NEGR1: variants seen among roughly 807,000 people sequenced by gnomAD.
NEGR1 encodes the protein neuronal growth regulator 1.
A neutral mutation model predicts 40.9 loss-of-function variants in NEGR1; 10 were observed. That is an observed-to-expected ratio of 0.24 (90% CI 0.15 to 0.42). NEGR1 has a LOEUF of 0.42. NEGR1 is among the 10% of genes least tolerant of loss of function. NEGR1 has a pLI of 1.00. For missense variants in NEGR1, 352 were observed against 438.9 expected (o/e 0.80, Z 1.77); for synonymous variants, 185 against 166.8 (o/e 1.11, Z -0.84).
intron 6 of NEGR1, among the ~76,000 whole-genome samples, chr1:71,514,447 C>A (rs939088049): frequency 1.0e-5 from 1 of 96,234 alleles, no homozygotes; most frequent in Non-Finnish European, 2.0e-5. Context: ...CTGGGAGGCA[C>A]CCCCCAGCAG....
chr1:71,992,736 G>A (rs1194049208), intron 1 of NEGR1, among the ~76,000 whole-genome samples: 5 of 151,764 alleles, frequency 3.3e-5, no homozygotes, highest in Non-Finnish European at 7.4e-5. Context: ...CACAAAGATG[G>A]GTGGCTCAAA....
rs548844050 is a variant in NEGR1 at position 71,476,598 on chromosome 1, C to T, written c.941-69028G>A. Reference sequence around the variant, plus strand: ...AAGTCACAGGGTATCAGCTGGACCTCCTGAGGGTCTGAAAACAGATCAGCC... The same window carrying T: ...AAGTCACAGGGTATCAGCTGGACCTTCTGAGGGTCTGAAAACAGATCAGCC... On this transcript the variant is annotated intron_variant, in intron 6 of 6. Coordinates refer to ENST00000357731, the MANE Select transcript of NEGR1 (RefSeq NM_173808.3). Among the ~76,000 whole-genome samples, 3 of 152,168 alleles carry T rather than the reference C, an allele frequency of 2.0e-5. No individual in the cohort carries two copies. In the South Asian group the frequency reaches 6.2e-4, roughly 32 times the overall value.
chr1:71,886,491 T>C (rs946462964), intron 2 of NEGR1, among the ~76,000 whole-genome samples: 1 of 149,746 alleles, frequency 6.7e-6, no homozygotes. Flanking sequence ...AAGGGAGAGA[T>C]GGAAGGAGGA....
At chr1:71,555,667 G>C (rs911715668) in intron 6 of NEGR1, among the ~76,000 whole-genome samples, 2 of 151,576 alleles carry the variant, frequency 1.3e-5, no homozygotes, top group Non-Finnish European at 3.0e-5. Context: ...AGTCACTCGT[G>C]AACATAAGGT....
intron 3 of NEGR1, among the ~76,000 whole-genome samples, chr1:71,769,297 T>A (rs12561848): frequency 6.6e-6 from 1 of 152,308 alleles, no homozygotes; most frequent in African/African-American, 2.4e-5. Flanking sequence ...AAGTTTACAG[T>A]GATTTTTACC....
intron 1 of NEGR1, among the ~76,000 whole-genome samples, chr1:72,175,173 C>G (rs1160129463): frequency 6.6e-6 from 1 of 151,918 alleles, no homozygotes; most frequent in Non-Finnish European, 1.5e-5. Context: ...AGATATGGTG[C>G]ATTTTAAATT....
At chr1:71,869,403 A>G (rs1660213203) in intron 2 of NEGR1, among the ~76,000 whole-genome samples, 1 of 152,216 alleles carries the variant, frequency 6.6e-6, no homozygotes, top group African/African-American at 2.4e-5. Flanking sequence ...AAATACTAAA[A>G]TACAGCTATA....
chr1:71,918,978 A>C (rs1661681549), intron 2 of NEGR1, among the ~76,000 whole-genome samples: 1 of 152,190 alleles, frequency 6.6e-6, no homozygotes, highest in African/African-American at 2.4e-5. Context: ...ATTTTGATAA[A>C]AATTTGCAGT....
chr1:71,998,605 A>T (rs1646526538), intron 1 of NEGR1, among the ~76,000 whole-genome samples: 1 of 151,762 alleles, frequency 6.6e-6, no homozygotes, highest in South Asian at 2.1e-4. Flanking sequence ...TGCTACACAG[A>T]TTCTTACTCA....
intron 1 of NEGR1, among the ~76,000 whole-genome samples, chr1:72,179,997 C>A (rs1652305871): frequency 6.6e-6 from 1 of 151,932 alleles, no homozygotes; most frequent in South Asian, 2.1e-4. Context: ...CCATCAAAAT[C>A]CCAATGGCAT....
At chr1:72,047,459 T>TA (rs1252878563) in intron 1 of NEGR1, among the ~76,000 whole-genome samples, 1 of 151,428 alleles carries the variant, frequency 6.6e-6, no homozygotes, top group Admixed American at 6.6e-5. Flanking sequence ...AGCTAATTTT[T>TA]AAAATATGCA....
At chr1:72,075,672 T>C (rs577115009) in intron 1 of NEGR1, among the ~76,000 whole-genome samples, 1 of 152,316 alleles carries the variant, frequency 6.6e-6, no homozygotes, top group African/African-American at 2.4e-5. Flanking sequence ...GCTAAAGTTA[T>C]GCCTGCTGCT....
At chr1:71,472,459 A>C (rs540634589) in intron 6 of NEGR1, 1 of 152,132 alleles carries the variant, frequency 6.6e-6, no homozygotes, top group African/African-American at 2.4e-5. Flanking sequence ...ATGAAATTCA[A>C]TTGGGCTACT....
At chr1:72,167,902 A>C (rs1444086833) in intron 1 of NEGR1, among the ~76,000 whole-genome samples, 1 of 152,002 alleles carries the variant, frequency 6.6e-6, no homozygotes, top group Non-Finnish European at 1.5e-5. Context: ...AGCATTAATT[A>C]TTCCAAATTA....
At chr1:71,970,934 TA>T (rs1646251323) in intron 1 of NEGR1, among the ~76,000 whole-genome samples, 1 of 152,158 alleles carries the variant, frequency 6.6e-6, no homozygotes, top group East Asian at 1.9e-4. Flanking sequence ...TCCCAAAATT[TA>T]ATTTGACTCA....
intron 1 of NEGR1, among the ~76,000 whole-genome samples, chr1:72,054,923 G>A (rs1023018551): frequency 1.3e-5 from 2 of 150,856 alleles, no homozygotes; most frequent in Non-Finnish European, 3.0e-5. Flanking sequence ...TTATCCTGGG[G>A]GATCAAAGGG....
rs756967450 is a variant in NEGR1, at chr1:71,562,317, A to G, written c.940+30500T>C. On this transcript the variant is annotated intron_variant, in intron 6 of 6. Transcript: ENST00000357731. ...TGAATTTGCCCTAGAATCTAGAAAG[A>G]TCTTATTTCCTTCTTTAAAACACTG... Among the ~76,000 whole-genome samples the G allele has an allele frequency of 3.3e-5, 5 of 151,834 alleles. 1 individual carries two copies. Among genetic ancestry groups the G allele is most frequent in the African/African-American group, 7.2e-5 (3 of 41,382 alleles).
intron 1 of NEGR1, among the ~76,000 whole-genome samples, chr1:72,138,830 A>C (rs1650566579): frequency 6.6e-6 from 1 of 151,876 alleles, no homozygotes; most frequent in Non-Finnish European, 1.5e-5. Flanking sequence ...CATATGAAAA[A>C]CTCTAACTCA....
At chr1:72,150,063 G>A (rs752302100) in intron 1 of NEGR1, among the ~76,000 whole-genome samples, 18 of 151,838 alleles carry the variant, frequency 1.2e-4, no homozygotes, top group Non-Finnish European at 1.9e-4. Context: ...TCACTATTCC[G>A]AATCCCTTCC....
Sources: allele counts gnomAD v4.1 joint callset (sites outside exome capture counted in the v4.1 genomes callset), GRCh38; gene constraint gnomAD v4.1.1; transcripts MANE v1.5; gene names NCBI Gene and HGNC (gene_info 2026-07-23, HGNC 2026-07-21).